SLC35F4: variants seen among roughly 807,000 people sequenced by gnomAD.
SLC35F4 encodes the protein chromosome 14 open reading frame 36.
In SLC35F4, 24 loss-of-function variants were observed where a neutral mutation model predicts 44.2. The ratio of observed to expected loss-of-function variants is 0.54; its 90% CI spans 0.39 to 0.76. SLC35F4 has a LOEUF of 0.76. Among genes scored for constraint, SLC35F4 ranks in the 30% least tolerant of loss-of-function variants. The probability of loss-of-function intolerance (pLI) is 0.00; values close to 1 mark genes in which losing one functional copy is unlikely to be tolerated. For missense variants in SLC35F4, 562 were observed against 586.1 expected (o/e 0.96, Z 0.42); for synonymous variants, 238 against 223.6 (o/e 1.06, Z -0.57).
At chr14:57,801,589 T>C (rs1455656737) in intron 1 of SLC35F4, among the ~76,000 whole-genome samples, 2 of 151,980 alleles carry the variant, frequency 1.3e-5, no homozygotes, top group African/African-American at 4.8e-5. Flanking sequence ...CCAAGACCCA[T>C]CTCACATGCA....
At chr14:57,911,598 T>C (rs1889217378) in intron 1 of SLC35F4, among the ~76,000 whole-genome samples, 1 of 152,044 alleles carries the variant, frequency 6.6e-6, no homozygotes, top group African/African-American at 2.4e-5. Context: ...TAATTGATAT[T>C]CAAATATTGG....
intron 6 of SLC35F4, among the ~76,000 whole-genome samples, chr14:57,568,077 G>A (rs1356390446): frequency 6.6e-6 from 1 of 152,238 alleles, no homozygotes; most frequent in East Asian, 1.9e-4. Context: ...ATCCTGGGGT[G>A]TGTAACAGGC....
At chr14:57,845,999 T>C (rs2065200928) in intron 1 of SLC35F4, among the ~76,000 whole-genome samples, 1 of 152,174 alleles carries the variant, frequency 6.6e-6, no homozygotes, top group African/African-American at 2.4e-5. Flanking sequence ...TGAAGACAGC[T>C]TTATTAAATA....
intron 1 of SLC35F4, among the ~76,000 whole-genome samples, chr14:57,810,779 G>A (rs1595118990): frequency 1.3e-5 from 2 of 152,322 alleles, no homozygotes; most frequent in South Asian, 4.1e-4. Flanking sequence ...GTCTTAGCTA[G>A]TCTCAAAGAA....
At chr14:57,794,802 C>T (rs2078016024) in intron 1 of SLC35F4, among the ~76,000 whole-genome samples, 1 of 151,832 alleles carries the variant, frequency 6.6e-6, no homozygotes, top group Non-Finnish European at 1.5e-5. Flanking sequence ...TGAAACGACT[C>T]GAAAATAGGT....
chr14:57,891,428 G>C (rs1216320543), intron 1 of SLC35F4, among the ~76,000 whole-genome samples: 1 of 151,950 alleles, frequency 6.6e-6, no homozygotes, highest in Non-Finnish European at 1.5e-5. Flanking sequence ...AGATTGCTTG[G>C]GCCCAGGAGT....
intron 1 of SLC35F4, among the ~76,000 whole-genome samples, chr14:57,621,623 G>A (rs2072185680): frequency 6.6e-6 from 1 of 152,192 alleles, no homozygotes; most frequent in South Asian, 2.1e-4. Context: ...TATGTAAAAA[G>A]CTGAAACTGG....
intron 1 of SLC35F4, among the ~76,000 whole-genome samples, chr14:57,734,395 AAATGACAGAG>A (rs2076416985): frequency 1.3e-5 from 2 of 152,364 alleles, no homozygotes; most frequent in South Asian, 4.1e-4. Context: ...AAGTTGCACA[AAATGACAGAG>A]AAAGCACGCA....
chr14:57,897,333 G>A (rs1047719769), intron 1 of SLC35F4, among the ~76,000 whole-genome samples: 3 of 152,070 alleles, frequency 2.0e-5, no homozygotes, highest in Admixed American at 1.3e-4. Context: ...TAAACTGTCA[G>A]CATGATAAAT....
At chr14:57,704,285 C>T (rs2075614328) in intron 1 of SLC35F4, among the ~76,000 whole-genome samples, 2 of 152,100 alleles carry the variant, frequency 1.3e-5, no homozygotes, top group Non-Finnish European at 2.9e-5. Flanking sequence ...AACCTCTGAA[C>T]TAAGAGTTGG....
chr14:57,632,666 T>C (rs543669142), intron 1 of SLC35F4, among the ~76,000 whole-genome samples: 3 of 152,162 alleles, frequency 2.0e-5, no homozygotes, highest in African/African-American at 7.2e-5. Context: ...CCAAAGTCCA[T>C]AGTTTACATT....
At chr14:57,748,237 G>T (rs558857749) in intron 1 of SLC35F4, among the ~76,000 whole-genome samples, 5 of 152,188 alleles carry the variant, frequency 3.3e-5, no homozygotes, top group Admixed American at 1.3e-4. Context: ...TAGACTATTG[G>T]AGCCCCAAAT....
chr14:57,743,246 G>A (rs1020258746), intron 1 of SLC35F4, among the ~76,000 whole-genome samples: 3 of 152,074 alleles, frequency 2.0e-5, no homozygotes, highest in African/African-American at 7.2e-5. Flanking sequence ...AGGAAATAGA[G>A]ACATAAAAAA....
chr14:57,762,508 A>G (rs1272295436), intron 1 of SLC35F4, among the ~76,000 whole-genome samples: 2 of 152,208 alleles, frequency 1.3e-5, no homozygotes, highest in African/African-American at 4.8e-5. Context: ...ATTGTAGAAA[A>G]CAGAGTGATG....
At chr14:57,950,340 T>C (rs2141079894) in intron 1 of SLC35F4, among the ~76,000 whole-genome samples, 1 of 152,270 alleles carries the variant, frequency 6.6e-6, no homozygotes, top group East Asian at 1.9e-4. Flanking sequence ...CACTGCATTT[T>C]GTATTTCTTT....
intron 1 of SLC35F4, among the ~76,000 whole-genome samples, chr14:57,971,383 C>G (rs1032204491): frequency 3.3e-5 from 5 of 152,290 alleles, no homozygotes; most frequent in Non-Finnish European, 5.9e-5. Context: ...TAGATTCAAA[C>G]TAATAAACTT....
At chr14:57,698,372 A>G (rs1216208139) in intron 1 of SLC35F4, among the ~76,000 whole-genome samples, 1 of 152,198 alleles carries the variant, frequency 6.6e-6, no homozygotes, top group East Asian at 1.9e-4. Flanking sequence ...ATTTTGAAGA[A>G]TGGACCTATT....
chr14:57,940,706 A>G (rs1889901444), intron 1 of SLC35F4, among the ~76,000 whole-genome samples: 1 of 152,056 alleles, frequency 6.6e-6, no homozygotes, highest in South Asian at 2.1e-4. Flanking sequence ...TGTCTCATCC[A>G]ACTCCTCCTC....
At chr14:57,936,278 T>C (rs1257728977) in intron 1 of SLC35F4, among the ~76,000 whole-genome samples, 5 of 152,206 alleles carry the variant, frequency 3.3e-5, no homozygotes, top group African/African-American at 1.2e-4. Flanking sequence ...GTTATAGCTA[T>C]ACAAAAAGGA....
Sources: gnomAD v4.1 joint callset for allele counts (sites outside exome capture counted in the v4.1 genomes callset) on GRCh38, gnomAD v4.1.1 for gene constraint, MANE v1.5 for transcripts, NCBI Gene and HGNC (gene_info 2026-07-23, HGNC 2026-07-21) for gene names.